Variants in RREB1 observed in about 807,000 individuals in gnomAD.
RREB1 encodes the protein ras responsive element binding protein 1.
Under a neutral mutation model 117.8 loss-of-function variants are expected in RREB1, and 27 were observed. The ratio of observed to expected loss-of-function variants is 0.23; its 90% confidence interval spans 0.17 to 0.32. The LOEUF (loss-of-function observed/expected upper bound fraction) is 0.32, where lower values mean the gene tolerates loss of function less well. RREB1 is among the 10% of genes least tolerant of loss of function. The pLI, the probability that RREB1 is intolerant of heterozygous loss-of-function variation, is 1.00. For synonymous variants in RREB1, 1,298 were observed against 1,026.7 expected, an observed-to-expected ratio of 1.26 and a Z score of -5.05; for missense variants, 2,577 against 2,378.2, an observed-to-expected ratio of 1.08 and a Z score of -1.74.
At chr6:7,236,748 T>A (rs925868044) in intron 10 of RREB1, among the ~76,000 whole-genome samples, 4 of 151,706 alleles carry the variant, frequency 2.6e-5, no homozygotes, top group African/African-American at 9.7e-5. Flanking sequence ...TTTTTTTTTT[T>A]ATCTTGGAGG....
intron 1 of RREB1, among the ~76,000 whole-genome samples, chr6:7,164,335 T>C (rs1354129340): frequency 6.6e-6 from 1 of 152,180 alleles, no homozygotes; most frequent in African/African-American, 2.4e-5. Context: ...GTGTGACTGT[T>C]AGGGGTTCAG....
At chr6:7,116,112 G>T (rs1761387098) in intron 1 of RREB1, among the ~76,000 whole-genome samples, 1 of 152,196 alleles carries the variant, frequency 6.6e-6, no homozygotes, top group South Asian at 2.1e-4. Context: ...GCCGTGCGTG[G>T]TGTTTGCCTG....
chr6:7,191,653 G>A (rs888857809), intron 6 of RREB1, among the ~76,000 whole-genome samples: 2 of 152,086 alleles, frequency 1.3e-5, no homozygotes, highest in Middle Eastern at 3.2e-3. Context: ...TTCTTTCAAC[G>A]TCTCATAGTT....
In RREB1 at chr6:7,230,415, G is replaced by T. The variant is rs978577914; in HGVS notation, c.2316G>T (p.Met772Ile). ...LKHYRALRIH[M>I]RTHCGRGLGG... Reference sequence around the variant, plus strand: ...ACTATCGTGCCCTGCGCATCCACATGCGCACGCACTGCGGCCGCGGCCTGG... The same window carrying T: ...ACTATCGTGCCCTGCGCATCCACATTCGCACGCACTGCGGCCGCGGCCTGG... The change falls in exon 10 of 13, where the codon ATG becomes ATT. Residue 772 changes from methionine (M) to isoleucine (I), a missense_variant. Transcript: ENST00000379938. The T allele has an allele frequency of 1.3e-6, 2 of 1,591,832 alleles. No homozygotes were observed. The highest frequency in any genetic ancestry group is 1.7e-6 in the Non-Finnish European group (2 of 1,174,720).
At chr6:7,159,043 T>C (rs1406923553) in intron 1 of RREB1, among the ~76,000 whole-genome samples, 1 of 152,228 alleles carries the variant, frequency 6.6e-6, no homozygotes, top group African/African-American at 2.4e-5. Flanking sequence ...ATAGTTGATA[T>C]AATCCCTCCT....
At chr6:7,165,171 A>G (rs1763866322) in intron 1 of RREB1, among the ~76,000 whole-genome samples, 1 of 152,176 alleles carries the variant, frequency 6.6e-6, no homozygotes, top group Non-Finnish European at 1.5e-5. Flanking sequence ...TTGCTTGGGC[A>G]TTGTTCCAAG....
chr6:7,120,627 T>G (rs1278299387), intron 1 of RREB1, among the ~76,000 whole-genome samples: 5 of 152,020 alleles, frequency 3.3e-5, no homozygotes, highest in African/African-American at 1.2e-4. Context: ...AAAAATTTCT[T>G]GTAGATGGTC....
intron 11 of RREB1, among the ~76,000 whole-genome samples, chr6:7,241,571 G>C (rs549839399): frequency 7.4e-4 from 113 of 152,262 alleles, no homozygotes; most frequent in African/African-American, 2.5e-3. Flanking sequence ...GGGTGGAGAT[G>C]GGGTGCCCTG....
In RREB1 at chr6:7,231,845, C is replaced by T; in HGVS notation, c.3746C>T (p.Pro1249Leu). ...AACTGCCTGCAGAAGATCACCTGTC[C>T]CCACTGTCCCCGGGTTTTCCCTTGG... ...YTNCLQKITC[P>L]HCPRVFPWAS... The change falls in exon 10 of 13, where the codon CCC (proline) becomes CTC (leucine). Residue 1249 changes from proline to leucine, a missense_variant. Pro to Leu is a moderately conservative substitution (Grantham distance 98). Coordinates refer to ENST00000379938, the MANE Select transcript of RREB1 (RefSeq NM_001003699.4). The T allele has an allele frequency of 6.2e-7, 1 of 1,613,564 alleles. No homozygotes were observed.
intron 6 of RREB1, among the ~76,000 whole-genome samples, chr6:7,200,246 G>GTA (rs1765886124): frequency 1.6e-5 from 1 of 64,440 alleles, no homozygotes; most frequent in Non-Finnish European, 2.7e-5. Flanking sequence ...GTGTGTATAT[G>GTA]TGTGTGTGTG....
At chr6:7,128,920 G>C in intron 1 of RREB1, among the ~76,000 whole-genome samples, 1 of 152,212 alleles carries the variant, frequency 6.6e-6, no homozygotes, top group Non-Finnish European at 1.5e-5. Flanking sequence ...ACTAAGCTGA[G>C]ATTGGGCCAC....
At chr6:7,233,051 A>T (rs1768098862) in intron 10 of RREB1, among the ~76,000 whole-genome samples, 1 of 152,162 alleles carries the variant, frequency 6.6e-6, no homozygotes, top group Non-Finnish European at 1.5e-5. Flanking sequence ...ATGCGCCACC[A>T]TGCCCAGCTA....
intron 1 of RREB1, among the ~76,000 whole-genome samples, chr6:7,118,888 G>A (rs1203343519): frequency 7.1e-6 from 1 of 140,724 alleles, no homozygotes; most frequent in African/African-American, 2.7e-5. Flanking sequence ...ACCTCAGGTG[G>A]TGCACTCACC....
chr6:7,146,845 T>C (rs1762887387), intron 1 of RREB1, among the ~76,000 whole-genome samples: 1 of 151,806 alleles, frequency 6.6e-6, no homozygotes, highest in East Asian at 1.9e-4. Context: ...TTCACACTGG[T>C]TGGAAGATGT....
intron 6 of RREB1, among the ~76,000 whole-genome samples, chr6:7,196,518 T>C (rs1449606250): frequency 6.6e-6 from 1 of 152,158 alleles, no homozygotes; most frequent in African/African-American, 2.4e-5. Context: ...GGTAGCATAT[T>C]AAATTATGTG....
At chr6:7,128,965 T>C (rs1489871601) in intron 1 of RREB1, among the ~76,000 whole-genome samples, 1 of 152,082 alleles carries the variant, frequency 6.6e-6, no homozygotes, top group Admixed American at 6.5e-5. Context: ...TGAGACTCCG[T>C]CTCAAAAAAA....
rs556241777 is a variant in RREB1, at chr6:7,121,998, A to G, written c.-285+13938A>G. Reference sequence around the variant, plus strand: ...CTTCCCGAGGGAAGGTGCATGCCTCACTTGGATGCATGGCCCATCCCCTTC... The same window carrying G: ...CTTCCCGAGGGAAGGTGCATGCCTCGCTTGGATGCATGGCCCATCCCCTTC... On this transcript the variant is annotated intron_variant, in intron 1 of 12. Coordinates refer to ENST00000379938, the MANE Select transcript of RREB1 (RefSeq NM_001003699.4). 9.2e-5 allele frequency among the ~76,000 whole-genome samples: 14 copies of G among 152,200 alleles called. No individual in the cohort carries two copies. The South Asian group carries it at 2.9e-3, about 32-fold the overall frequency.
intron 6 of RREB1, among the ~76,000 whole-genome samples, chr6:7,202,614 G>A (rs1306887843): frequency 6.6e-6 from 1 of 152,192 alleles, no homozygotes; most frequent in African/African-American, 2.4e-5. Flanking sequence ...GTAATATGGG[G>A]ATATTCAGCA....
At chr6:7,164,720 T>A (rs976382475) in intron 1 of RREB1, among the ~76,000 whole-genome samples, 5 of 152,300 alleles carry the variant, frequency 3.3e-5, no homozygotes, top group Non-Finnish European at 5.9e-5. Context: ...AGTCTGAACC[T>A]AAAAACACCT....
Sources: gnomAD v4.1 joint callset for allele counts (sites outside exome capture counted in the v4.1 genomes callset) on GRCh38, gnomAD v4.1.1 for gene constraint, MANE v1.5 for transcripts, NCBI Gene and HGNC (gene_info 2026-07-23, HGNC 2026-07-21) for gene names.